The following CDYL variants were observed in gnomAD, a reference collection of about 807,000 sequenced individuals.
CDYL encodes the protein chromodomain Y like.
In CDYL, 8 loss-of-function variants were observed where a neutral mutation model predicts 47.3. That is an observed-to-expected ratio of 0.17 (90% CI 0.10 to 0.31). CDYL has a LOEUF of 0.31. CDYL is among the 10% of genes least tolerant of loss of function. The pLI is 1.00. For synonymous variants in CDYL, 266 were observed against 265.0 expected (o/e 1.00, Z -0.04); for missense variants, 471 against 701.4 (o/e 0.67, Z 3.71).
chr6:4,828,009 A>C (rs747902516), intron 1 of CDYL, among the ~76,000 whole-genome samples: 1 of 152,164 alleles, frequency 6.6e-6, no homozygotes, highest in Non-Finnish European at 1.5e-5. Flanking sequence ...AAATTCCTAA[A>C]TACAGTACTA....
intron 3 of CDYL, among the ~76,000 whole-genome samples, chr6:4,751,596 A>C (rs1757991096): frequency 6.6e-6 from 1 of 152,250 alleles, no homozygotes; most frequent in African/African-American, 2.4e-5. Context: ...CAAAGAAAAC[A>C]GTAAGAATAG....
intron 3 of CDYL, chr6:4,734,866 T>A: frequency 6.2e-7 from 1 of 1,613,408 alleles, no homozygotes; most frequent in Non-Finnish European, 8.5e-7. Flanking sequence ...TTTCTCCCAG[T>A]GGCAAGCTTG....
chr6:4,769,160 G>C (rs1270526551), intron 3 of CDYL, among the ~76,000 whole-genome samples: 1 of 152,090 alleles, frequency 6.6e-6, no homozygotes, highest in Non-Finnish European at 1.5e-5. Context: ...TAAAAACTAG[G>C]GAAATCTGAA....
At chr6:4,848,592 C>T (rs932415474) in intron 1 of CDYL, among the ~76,000 whole-genome samples, 11 of 152,118 alleles carry the variant, frequency 7.2e-5, no homozygotes, top group African/African-American at 1.2e-4. Context: ...ACAGCTGATC[C>T]GAAAGTTAAA....
chr6:4,833,961 G>A (rs1254872466), intron 1 of CDYL, among the ~76,000 whole-genome samples: 1 of 151,470 alleles, frequency 6.6e-6, no homozygotes, highest in Non-Finnish European at 1.5e-5. Flanking sequence ...TTGAGCCTAT[G>A]TGTGTCTCTG....
rs146661597 is a variant in CDYL, at chr6:4,711,920, C to T, written c.-38-3821C>T. Among the ~76,000 whole-genome samples the T allele has an allele frequency of 1.6e-3, 241 of 152,162 alleles. 2 individuals carry two copies. Among genetic ancestry groups the T allele is most frequent in the Admixed American group, 0.012 (187 of 15,264 alleles). On this transcript the variant is annotated intron_variant, in intron 1 of 8. Transcript: ENST00000328908. ...TCTCTACAAAAAATACAAAAATTAG[C>T]GCGGTGTGGTGGTATGCACCTGTAG...
intron 2 of CDYL, among the ~76,000 whole-genome samples, chr6:4,898,794 C>T (rs1176596651): frequency 6.6e-6 from 1 of 152,236 alleles, no homozygotes; most frequent in Admixed American, 6.5e-5. Flanking sequence ...AAAACATGCA[C>T]ACCATAATGA....
chr6:4,886,846 C>A (rs1318049615), intron 1 of CDYL, among the ~76,000 whole-genome samples: 5 of 152,112 alleles, frequency 3.3e-5, no homozygotes, highest in African/African-American at 1.2e-4. Context: ...TTAACTCTTT[C>A]TTGTAGATCT....
At chr6:4,950,846 G>A (rs1758678973) in intron 5 of CDYL, among the ~76,000 whole-genome samples, 1 of 151,932 alleles carries the variant, frequency 6.6e-6, no homozygotes, top group Non-Finnish European at 1.5e-5. Context: ...GCAGGAGAAT[G>A]GTGTGAGCCT....
intron 2 of CDYL, among the ~76,000 whole-genome samples, chr6:4,893,869 A>G (rs1326668525): frequency 6.6e-6 from 1 of 152,242 alleles, no homozygotes; most frequent in Non-Finnish European, 1.5e-5. Flanking sequence ...GGTGCATTCA[A>G]CAGGTTTTCT....
intron 1 of CDYL, among the ~76,000 whole-genome samples, chr6:4,874,109 T>C (rs1761551083): frequency 6.6e-6 from 1 of 152,180 alleles, no homozygotes; most frequent in Non-Finnish European, 1.5e-5. Context: ...AGGTGTTTCT[T>C]CACACCTCTG....
chr6:4,879,240 T>C (rs987316383), intron 1 of CDYL, among the ~76,000 whole-genome samples: 2 of 152,210 alleles, frequency 1.3e-5, no homozygotes, highest in Non-Finnish European at 2.9e-5. Flanking sequence ...TAGTGAATTA[T>C]ATATCTATCA....
intron 2 of CDYL, among the ~76,000 whole-genome samples, chr6:4,903,390 C>T (rs1011284035): frequency 2.0e-5 from 3 of 152,182 alleles, no homozygotes; most frequent in African/African-American, 7.2e-5. Context: ...ACATGGTAGG[C>T]GGCCACTAAA....
At chr6:4,741,884 C>A (rs1757802745) in intron 3 of CDYL, among the ~76,000 whole-genome samples, 2 of 152,186 alleles carry the variant, frequency 1.3e-5, no homozygotes, top group Admixed American at 1.3e-4. Flanking sequence ...TAGGCATTTC[C>A]CATCCAGTTA....
chr6:4,769,962 A>G (rs1443038470), intron 3 of CDYL, among the ~76,000 whole-genome samples: 1 of 126,628 alleles, frequency 7.9e-6, no homozygotes, highest in Non-Finnish European at 1.7e-5. Flanking sequence ...ACGCCCGGCT[A>G]ATTTGTGTGT....
chr6:4,801,936 G>C (rs990575082), intron 1 of CDYL, among the ~76,000 whole-genome samples: 2 of 152,204 alleles, frequency 1.3e-5, no homozygotes, highest in Non-Finnish European at 2.9e-5. Flanking sequence ...ATGTAGTTCA[G>C]CTGTCAGCTA....
chr6:4,784,506 A>C (rs1221600484), intron 1 of CDYL, among the ~76,000 whole-genome samples: 2 of 152,220 alleles, frequency 1.3e-5, no homozygotes, highest in Non-Finnish European at 2.9e-5. Context: ...ATGATATTGA[A>C]AATGCAAAAC....
chr6:4,896,299 C>T (rs1283921839), intron 2 of CDYL, among the ~76,000 whole-genome samples: 1 of 152,186 alleles, frequency 6.6e-6, no homozygotes, highest in Non-Finnish European at 1.5e-5. Flanking sequence ...CTGTCGCTGC[C>T]CTGGTACCTG....
intron 1 of CDYL, among the ~76,000 whole-genome samples, chr6:4,871,859 C>T (rs1317105921): frequency 6.6e-6 from 1 of 152,160 alleles, no homozygotes; most frequent in Non-Finnish European, 1.5e-5. Flanking sequence ...TCCCACTGAC[C>T]CCTAATATTC....
Sources: gnomAD v4.1 joint callset for allele counts (sites outside exome capture counted in the v4.1 genomes callset) on GRCh38, gnomAD v4.1.1 for gene constraint, MANE v1.5 for transcripts, NCBI Gene and HGNC (gene_info 2026-07-23, HGNC 2026-07-21) for gene names.